Variants in SLC25A21 observed in about 807,000 individuals in gnomAD.
The protein encoded by SLC25A21 is mitochondrial 2-oxodicarboxylate carrier.
SLC25A21 carries 47 observed loss-of-function variants against 43.8 expected under a neutral mutation model. The observed-to-expected ratio is 1.07, with a 90% CI of 0.85 to 1.37. SLC25A21 has a LOEUF of 1.37. Ranked by LOEUF, SLC25A21 falls within the 40% of genes most tolerant of loss-of-function variation. The pLI, the probability that SLC25A21 is intolerant of heterozygous loss-of-function variation, is 0.00. For missense variants in SLC25A21, 352 were observed against 350.2 expected (o/e 1.00, Z -0.04); for synonymous variants, 131 against 121.3 (o/e 1.08, Z -0.52).
At chr14:37,049,394 T>G in intron 1 of SLC25A21, among the ~76,000 whole-genome samples, 1 of 151,712 alleles carries the variant, frequency 6.6e-6, no homozygotes, top group East Asian at 1.9e-4. Flanking sequence ...GGCAACATGG[T>G]GAGACCCCAT....
chr14:37,114,233 T>C (rs1963068736), intron 1 of SLC25A21, among the ~76,000 whole-genome samples: 1 of 152,310 alleles, frequency 6.6e-6, no homozygotes, highest in African/African-American at 2.4e-5. Flanking sequence ...AAGATAGATG[T>C]AATCAACCAC....
intron 1 of SLC25A21, among the ~76,000 whole-genome samples, chr14:37,131,420 G>A (rs546876227): frequency 6.6e-6 from 1 of 152,280 alleles, no homozygotes; most frequent in South Asian, 2.1e-4. Flanking sequence ...CTGTTTGACT[G>A]TTTGGTACTA....
chr14:37,134,910 T>C (rs1238697443), intron 1 of SLC25A21, among the ~76,000 whole-genome samples: 1 of 149,734 alleles, frequency 6.7e-6, no homozygotes, highest in Non-Finnish European at 1.5e-5. Context: ...CTGGGCAACA[T>C]AGCAAAATCT....
intron 6 of SLC25A21, 87 bp from the exon 7 acceptor site, chr14:36,711,569 G>C: frequency 7.1e-7 from 1 of 1,400,480 alleles, no homozygotes; most frequent in Non-Finnish European, 9.6e-7. Flanking sequence ...CTTCAAGCCA[G>C]AATTATTAGG....
At chr14:36,723,456 C>T (rs554811571) in intron 6 of SLC25A21, among the ~76,000 whole-genome samples, 44 of 152,274 alleles carry the variant, frequency 2.9e-4, no homozygotes, top group Non-Finnish European at 5.0e-4. Flanking sequence ...TGATTTTATT[C>T]TAAGTAAATA....
chr14:36,721,434 T>C (rs1008805095), intron 6 of SLC25A21, among the ~76,000 whole-genome samples: 1 of 152,184 alleles, frequency 6.6e-6, no homozygotes, highest in Non-Finnish European at 1.5e-5. Flanking sequence ...ACTACACAGA[T>C]GCCTTGCTGT....
chr14:36,926,748 T>C (rs942943306), intron 1 of SLC25A21, among the ~76,000 whole-genome samples: 1 of 152,170 alleles, frequency 6.6e-6, no homozygotes, highest in East Asian at 1.9e-4. Context: ...GTGAAACACA[T>C]TCTTAAACTT....
At chr14:36,741,560 T>A (rs1049408826) in intron 3 of SLC25A21, among the ~76,000 whole-genome samples, 4 of 152,176 alleles carry the variant, frequency 2.6e-5, no homozygotes, top group African/African-American at 9.7e-5. Flanking sequence ...CTGCTGATAT[T>A]CATAATCAAA....
At chr14:37,137,779 T>A (rs1222092619) in intron 1 of SLC25A21, among the ~76,000 whole-genome samples, 1 of 152,210 alleles carries the variant, frequency 6.6e-6, no homozygotes, top group Non-Finnish European at 1.5e-5. Context: ...AATGGAGCCA[T>A]AAGGCATCAA....
intron 6 of SLC25A21, among the ~76,000 whole-genome samples, chr14:36,718,661 T>C (rs1177033539): frequency 6.6e-6 from 1 of 152,244 alleles, no homozygotes; most frequent in Non-Finnish European, 1.5e-5. Flanking sequence ...ACGATCTAAT[T>C]GGTCTCTATT....
chr14:37,002,397 A>C (rs1960507395), intron 1 of SLC25A21, among the ~76,000 whole-genome samples: 1 of 152,096 alleles, frequency 6.6e-6, no homozygotes, highest in African/African-American at 2.4e-5. Context: ...ACTTCTGTGG[A>C]ATTGTTGAGG....
chr14:36,827,448 G>A (rs1444349551), intron 2 of SLC25A21, among the ~76,000 whole-genome samples: 3 of 152,078 alleles, frequency 2.0e-5, no homozygotes, highest in Non-Finnish European at 2.9e-5. Context: ...GAAATCATGC[G>A]ACAACTGCAA....
chr14:37,121,193 A>C (rs1415510649), intron 1 of SLC25A21, among the ~76,000 whole-genome samples: 1 of 152,226 alleles, frequency 6.6e-6, no homozygotes, highest in Non-Finnish European at 1.5e-5. Context: ...ACAGCTCATG[A>C]AAATTATTGA....
At chr14:37,172,123 G>T in intron 1 of SLC25A21, 158 bp downstream of exon 1, 1 of 753,004 alleles carries the variant, frequency 1.3e-6, no homozygotes, top group Non-Finnish European at 2.1e-6. Flanking sequence ...GGCCTCCTCT[G>T]CTCTCGCGCC....
chr14:37,034,527 C>T (rs1336352038), intron 1 of SLC25A21, among the ~76,000 whole-genome samples: 1 of 152,138 alleles, frequency 6.6e-6, no homozygotes, highest in Non-Finnish European at 1.5e-5. Context: ...TCCAAAGGAT[C>T]ACCAATCCCC....
rs538916600 is a variant in SLC25A21, at chr14:37,050,985, A to G, written c.70+121296T>C. Among the ~76,000 whole-genome samples the G allele has an allele frequency of 3.9e-5, 6 of 152,026 alleles. No individual in the cohort carries two copies. In the South Asian group the frequency reaches 1.0e-3, roughly 26 times the overall value. On this transcript the variant is annotated intron_variant, in intron 1 of 9. Coordinates refer to ENST00000331299, the MANE Select transcript of SLC25A21 (RefSeq NM_030631.4). ...AGGTTAATACATCTAAAATAACTAC[A>G]TCTTACACCACAGTTACTCTCAATC...
At chr14:36,788,111 T>C (rs1887316851) in intron 3 of SLC25A21, among the ~76,000 whole-genome samples, 1 of 152,176 alleles carries the variant, frequency 6.6e-6, no homozygotes, top group African/African-American at 2.4e-5. Context: ...AATGGCCACT[T>C]TTTAAAGTCT....
At chr14:37,014,889 A>C (rs1960812700) in intron 1 of SLC25A21, among the ~76,000 whole-genome samples, 1 of 152,140 alleles carries the variant, frequency 6.6e-6, no homozygotes, top group Non-Finnish European at 1.5e-5. Flanking sequence ...ATTGTCAATG[A>C]GCAATAATAT....
rs77542337 is a variant in SLC25A21 at position 36,780,082 on chromosome 14, T to A, written c.203+33836A>T. ...TATTGCAGTCTTAGTAGGCTGTAAATTTTTAGGAATTTATCCACTTTTTTT... is the reference window on the plus strand; with the variant it reads ...TATTGCAGTCTTAGTAGGCTGTAAAATTTTAGGAATTTATCCACTTTTTTT... On this transcript the variant is annotated intron_variant, in intron 3 of 9. Coordinates refer to ENST00000331299, the MANE Select transcript of SLC25A21 (RefSeq NM_030631.4). Among the ~76,000 whole-genome samples, 258 of 152,064 alleles carry A rather than the reference T, an allele frequency of 1.7e-3. 5 individuals carry two copies. In the East Asian group the frequency reaches 0.042, roughly 25 times the overall value.
Sources: allele counts gnomAD v4.1 joint callset (sites outside exome capture counted in the v4.1 genomes callset), GRCh38; gene constraint gnomAD v4.1.1; transcripts MANE v1.5; gene names NCBI Gene and HGNC (gene_info 2026-07-23, HGNC 2026-07-21).